The following CLEC2L variants were observed in gnomAD, a reference collection of about 807,000 sequenced individuals.
CLEC2L encodes the protein C-type lectin domain family 2 member L.
Under a neutral mutation model 23.6 loss-of-function variants are expected in CLEC2L, and 14 were observed. The ratio of observed to expected loss-of-function variants is 0.59; its 90% CI spans 0.39 to 0.93. The LOEUF is 0.93. Ranked by LOEUF, CLEC2L falls within the 40% of genes least tolerant of loss-of-function variation. The pLI is 0.00. For synonymous variants in CLEC2L, 114 were observed against 121.3 expected (o/e 0.94, Z 0.40); for missense variants, 264 against 282.4 (o/e 0.93, Z 0.47).
chr7:139,540,306 G>T lies in CLEC2L; in HGVS notation c.266-15G>T, dbSNP rs376483262. The T allele has an allele frequency of 5.2e-5, 83 of 1,598,660 alleles. No homozygotes were observed. In the African/African-American group the frequency reaches 1.0e-3, roughly 20 times the overall value. On this transcript the variant is annotated splice_polypyrimidine_tract_variant and intron_variant, in intron 2 of 4. Transcript: ENST00000422142. This position sits in a 1 kb window ranked among gnomAD's most constrained non-coding sequence, Gnocchi z 5.8. ...TGGGGGGGCGGGCAGGGCCGAGCTGGTCTCTTCCCTGCAGCTTCCAAGGGC... is the reference window on the plus strand; with the variant it reads ...TGGGGGGGCGGGCAGGGCCGAGCTGTTCTCTTCCCTGCAGCTTCCAAGGGC...
intron 1 of CLEC2L, among the ~76,000 whole-genome samples, chr7:139,532,605 C>T (rs1183714978): frequency 1.3e-5 from 2 of 152,146 alleles, no homozygotes; most frequent in Non-Finnish European, 2.9e-5. Context: ...CACTAACCTC[C>T]AATGTGATGA....
intron 1 of CLEC2L, among the ~76,000 whole-genome samples, chr7:139,533,124 A>G (rs1344627432): frequency 1.3e-5 from 2 of 152,230 alleles, no homozygotes; most frequent in Admixed American, 1.3e-4. Flanking sequence ...GTATCAAGCT[A>G]ATACAAACTA....
intron 1 of CLEC2L, among the ~76,000 whole-genome samples, chr7:139,524,723 C>T (rs1797481928): frequency 6.6e-6 from 1 of 152,202 alleles, no homozygotes; most frequent in Non-Finnish European, 1.5e-5. Context: ...GAATTGATTT[C>T]AAGTTCATGA....
intron 1 of CLEC2L, among the ~76,000 whole-genome samples, chr7:139,534,971 A>C (rs1053124611): frequency 1.1e-4 from 17 of 151,830 alleles, no homozygotes; most frequent in African/African-American, 3.4e-4. Context: ...TAAAAAAAAA[A>C]AAAACAAAAG....
In CLEC2L at chr7:139,540,308, C is replaced by T. The variant is rs758015064; in HGVS notation, c.266-13C>T. Reference sequence around the variant, plus strand: ...GGGGGGCGGGCAGGGCCGAGCTGGTCTCTTCCCTGCAGCTTCCAAGGGCTG... The same window carrying T: ...GGGGGGCGGGCAGGGCCGAGCTGGTTTCTTCCCTGCAGCTTCCAAGGGCTG... On this transcript the variant is annotated splice_polypyrimidine_tract_variant and intron_variant, in intron 2 of 4. Coordinates refer to ENST00000422142, the MANE Select transcript of CLEC2L (RefSeq NM_001080511.4). The surrounding 1 kb of genome is among the most constrained non-coding windows in gnomAD (Gnocchi z 5.8). 9 of 1,599,346 alleles carry T rather than the reference C, an allele frequency of 5.6e-6. No homozygotes were observed. In the South Asian group the frequency reaches 6.8e-5, roughly 12 times the overall value.
intron 1 of CLEC2L, among the ~76,000 whole-genome samples, chr7:139,524,500 TAAG>T (rs756212265): frequency 2.6e-5 from 4 of 151,956 alleles, no homozygotes; most frequent in East Asian, 3.9e-4. Context: ...TCGAGTAAAG[TAAG>T]AAAGCTGGAG....
intron 1 of CLEC2L, among the ~76,000 whole-genome samples, chr7:139,524,428 G>A (rs1475950394): frequency 6.6e-6 from 1 of 152,240 alleles, no homozygotes; most frequent in Non-Finnish European, 1.5e-5. Context: ...GACAAACACT[G>A]CCTGACACCC....
At chr7:139,527,829 T>A (rs779552365) in intron 1 of CLEC2L, among the ~76,000 whole-genome samples, 1 of 152,198 alleles carries the variant, frequency 6.6e-6, no homozygotes. Context: ...ACCACACACA[T>A]GCTTTTAGCC....
chr7:139,527,779 GT>G (rs1213010407), intron 1 of CLEC2L, among the ~76,000 whole-genome samples: 1 of 152,130 alleles, frequency 6.6e-6, no homozygotes, highest in African/African-American at 2.4e-5. Flanking sequence ...AATGTTGAAA[GT>G]TTCTTGATTA....
At chr7:139,543,005 C>T (rs1053697212) in intron 4 of CLEC2L, among the ~76,000 whole-genome samples, 2 of 152,022 alleles carry the variant, frequency 1.3e-5, no homozygotes, top group African/African-American at 2.4e-5. Context: ...GCTCCTAACC[C>T]GATGATGATG....
intron 3 of CLEC2L, among the ~76,000 whole-genome samples, chr7:139,541,313 G>A (rs536618842): frequency 6.7e-6 from 1 of 150,358 alleles, no homozygotes; most frequent in Non-Finnish European, 1.5e-5. Flanking sequence ...CCAGCCACAA[G>A]ACTTGTCTCT....
chr7:139,528,183 C>A (rs1797531774), intron 1 of CLEC2L, among the ~76,000 whole-genome samples: 1 of 152,138 alleles, frequency 6.6e-6, no homozygotes, highest in East Asian at 1.9e-4. Context: ...GGAGTCTTAA[C>A]CTCTGGTACC....
intron 4 of CLEC2L, 123 bp downstream of exon 4, chr7:139,542,244 G>T: frequency 1.6e-6 from 1 of 638,618 alleles, no homozygotes; most frequent in Non-Finnish European, 2.7e-6. Flanking sequence ...ACTAGTCTCG[G>T]GGTCCAGCAG....
In CLEC2L at chr7:139,540,108, C is replaced by T; in HGVS notation, c.266-213C>T. ...CCCAGGGGCTGCCCTGCTGTCACTT[C>T]CCGTCGTGATGATGCCCCTGCCAGG... On this transcript the variant is annotated intron_variant, in intron 2 of 4. Coordinates refer to ENST00000422142, the MANE Select transcript of CLEC2L (RefSeq NM_001080511.4). This position sits in a 1 kb window ranked among gnomAD's most constrained non-coding sequence, Gnocchi z 5.8. 5.4e-6 allele frequency: 3 copies of T among 553,006 alleles called. No homozygotes were observed. In the South Asian group the frequency reaches 6.7e-5, roughly 12 times the overall value. 34.3% of individuals were successfully genotyped at this position (553,006 alleles called of 1,614,324 possible).
At chr7:139,542,504 C>T (rs1232126292) in intron 4 of CLEC2L, among the ~76,000 whole-genome samples, 1 of 152,188 alleles carries the variant, frequency 6.6e-6, no homozygotes, top group Non-Finnish European at 1.5e-5. Flanking sequence ...TGGCCTCACC[C>T]CATTGGCCAG....
chr7:139,530,843 C>G (rs1369676681), intron 1 of CLEC2L, among the ~76,000 whole-genome samples: 3 of 150,286 alleles, frequency 2.0e-5, no homozygotes, highest in African/African-American at 7.4e-5. Context: ...AAAATAGGGC[C>G]TCTAGACATC....
At chr7:139,541,295 T>C (rs1585202857) in intron 3 of CLEC2L, among the ~76,000 whole-genome samples, 1 of 151,164 alleles carries the variant, frequency 6.6e-6, no homozygotes, top group East Asian at 1.9e-4. Context: ...AGGTGTGAGC[T>C]ACCGTGCCCA....
At chr7:139,532,262 A>G (rs565286136) in intron 1 of CLEC2L, among the ~76,000 whole-genome samples, 1 of 152,348 alleles carries the variant, frequency 6.6e-6, no homozygotes, top group Non-Finnish European at 1.5e-5. Flanking sequence ...CCAGTTCACC[A>G]TGGAACACAA....
chr7:139,527,940 A>G (rs1797528483), intron 1 of CLEC2L, among the ~76,000 whole-genome samples: 1 of 152,200 alleles, frequency 6.6e-6, no homozygotes, highest in African/African-American at 2.4e-5. Flanking sequence ...AGACAGCAGC[A>G]TGGGCCTTTT....
Sources: gnomAD v4.1 joint callset for allele counts (sites outside exome capture counted in the v4.1 genomes callset) on GRCh38, gnomAD v4.1.1 for gene constraint, Gnocchi (gnomAD v3.1) non-coding constraint, MANE v1.5 for transcripts, NCBI Gene and HGNC (gene_info 2026-07-23, HGNC 2026-07-21) for gene names.